The following SIDT2 variants were observed in gnomAD, a reference collection of about 807,000 sequenced individuals.
SIDT2 encodes SID1 transmembrane family, member 2.
SIDT2 carries 68 observed loss-of-function variants against 114.4 expected under a neutral mutation model. That is an observed-to-expected ratio of 0.59 (90% CI 0.49 to 0.73). SIDT2 has a LOEUF of 0.73. Among genes scored for constraint, SIDT2 ranks in the 30% least tolerant of loss-of-function variants. SIDT2 has a pLI of 0.00. For missense variants in SIDT2, 918 were observed against 1,097.1 expected, an observed-to-expected ratio of 0.84 and a Z score of 2.31; for synonymous variants, 470 against 438.4, an observed-to-expected ratio of 1.07 and a Z score of -0.90.
intron 11 of SIDT2, 38 bp from the exon 12 acceptor site, chr11:117,187,590 C>A (rs1006825992): frequency 2.5e-6 from 4 of 1,609,842 alleles, no homozygotes; most frequent in East Asian, 2.2e-5. Flanking sequence ...TTCCCTGCGG[C>A]CTCTCCTTCC....
Position 117,191,882 on chromosome 11 carries a change from A to G in SIDT2, c.1740A>G (p.Thr580=), listed in dbSNP as rs142078452. Residue 580 remains threonine (T), a synonymous_variant, in exon 19 of 26, where the codon ACA becomes ACG. Transcript: ENST00000324225. ...CTTCCGTGTCCCTCATCCTAGACAC[A>G]TCGTTCATGTACATGATCGCCGGAC... ...CPNYTNFQFD[T]SFMYMIAGLC... 12 of 1,614,116 alleles carry G rather than the reference A, an allele frequency of 7.4e-6. No homozygotes were observed. The highest frequency in any genetic ancestry group is 9.3e-6 in the Non-Finnish European group (11 of 1,180,018).
chr11:117,185,324 AG>A (rs2134251523), intron 8 of SIDT2, among the ~76,000 whole-genome samples: 1 of 152,262 alleles, frequency 6.6e-6, no homozygotes, highest in South Asian at 2.1e-4. Context: ...CTGAGATTAC[AG>A]GCGTGAGCCA....
intron 2 of SIDT2, 83 bp downstream of exon 2, chr11:117,181,620 C>A: frequency 6.2e-7 from 1 of 1,600,214 alleles, no homozygotes; most frequent in Admixed American, 1.7e-5. Flanking sequence ...CCCCCCATTT[C>A]TCCTCCCCTT....
intron 1 of SIDT2, among the ~76,000 whole-genome samples, chr11:117,180,882 A>G (rs1480117635): frequency 2.0e-5 from 3 of 152,186 alleles, no homozygotes; most frequent in African/African-American, 7.2e-5. Flanking sequence ...TGACTTCTCC[A>G]CAGCCCTGTC....
At chr11:117,193,393 C>T in intron 23 of SIDT2, 135 bp downstream of exon 23, 1 of 798,944 alleles carries the variant, frequency 1.3e-6, no homozygotes, top group South Asian at 1.7e-5. Flanking sequence ...AGGCTAAAGC[C>T]TCTTGCATGG....
intron 1 of SIDT2, among the ~76,000 whole-genome samples, chr11:117,180,816 C>T (rs527547501): frequency 6.6e-6 from 1 of 152,108 alleles, no homozygotes; most frequent in African/African-American, 2.4e-5. Context: ...AAGCGTGAGT[C>T]ACCGCACCCG....
intron 10 of SIDT2, chr11:117,186,900 G>A: frequency 6.8e-7 from 1 of 1,459,954 alleles, no homozygotes; most frequent in East Asian, 2.5e-5. Flanking sequence ...GTGGCCCACG[G>A]TCTCTGGGAT....
intron 8 of SIDT2, 125 bp downstream of exon 8, chr11:117,184,264 G>A (rs746430791): frequency 2.5e-4 from 234 of 919,698 alleles, no homozygotes; most frequent in Non-Finnish European, 3.5e-4. Flanking sequence ...GGGTAGGAAC[G>A]GGGAGTGTTC....
rs1207740705 is a variant in SIDT2 at position 117,179,193 on chromosome 11, C to G, written c.-71C>G. The G allele has an allele frequency of 7.4e-6, 11 of 1,482,194 alleles. No homozygotes were observed. The Admixed American group carries it at 1.4e-4, about 19-fold the overall frequency. 91.8% of individuals were successfully genotyped at this position (1,482,194 alleles called of 1,614,324 possible). ...AGCTGCGGCCGCAGCCGCAACCCGT[C>G]CCGGAGGTGTCCTGTCTCCTGTCGC... On this transcript the variant is annotated 5_prime_UTR_variant, in exon 1 of 26. Coordinates refer to ENST00000324225, the MANE Select transcript of SIDT2 (RefSeq NM_001040455.2).
At chr11:117,180,902 G>A (rs2030259855) in intron 1 of SIDT2, among the ~76,000 whole-genome samples, 1 of 152,162 alleles carries the variant, frequency 6.6e-6, no homozygotes, top group Non-Finnish European at 1.5e-5. Context: ...CCCTTGGTGG[G>A]AGCTAAGGAT....
chr11:117,183,267 C>G (rs1173978618), intron 6 of SIDT2, among the ~76,000 whole-genome samples: 1 of 151,780 alleles, frequency 6.6e-6, no homozygotes, highest in African/African-American at 2.4e-5. Context: ...ATCACTTGAA[C>G]CTGGGAGACA....
chr11:117,190,350 C>A lies in SIDT2; in HGVS notation c.1617+61C>A. 1 of 1,517,696 alleles carries A rather than the reference C, an allele frequency of 6.6e-7. No homozygotes were observed. Among genetic ancestry groups the A allele is most frequent in the South Asian group, 1.3e-5 (1 of 75,080 alleles). The allele number at this position is 1,517,696 out of a possible 1,614,324, so 94.0% of individuals were successfully genotyped here. A position where few individuals can be genotyped will look rare whatever the true frequency, so the allele number is the denominator to read the frequency against. The stretch of plus-strand genomic sequence containing the variant: ...CTCCAGCACAGACCTCAAGCCTTGG[C>A]TCCAGGACACCCTTTTGGGCAGGCC... On this transcript the variant is annotated intron_variant, in intron 17 of 25. Coordinates refer to ENST00000324225, the MANE Select transcript of SIDT2 (RefSeq NM_001040455.2). The surrounding 1 kb of genome is among the most constrained non-coding windows in gnomAD (Gnocchi z 4.1).
chr11:117,189,381 C>T lies in SIDT2; in HGVS notation c.1399C>T (p.Leu467=). Residue 467 remains leucine, a synonymous_variant, in exon 15 of 26, where the codon CTG becomes TTG. Transcript: ENST00000324225. ...AVFYALPVVQ[L]VITYQTVVNV... ...CTTCTATGCCCTTCCTGTGGTGCAG[C>T]TGGTGATCACCTACCAGACGGTGAG... 1 of 1,614,126 alleles carries T rather than the reference C, an allele frequency of 6.2e-7. No individual in the cohort carries two copies. Among genetic ancestry groups the T allele is most frequent in the Non-Finnish European group, 8.5e-7 (1 of 1,179,992 alleles).
chr11:117,189,615 A>G (rs141237549), intron 15 of SIDT2: 54 of 612,978 alleles, frequency 8.8e-5, no homozygotes, highest in African/African-American at 8.3e-4. Context: ...GCCCGCACTA[A>G]AGATAGCCCC....
At position 117,190,292 on chromosome 11, in the gene SIDT2, A is replaced by G. The variant is rs2134256988; in HGVS notation, c.1617+3A>G. 3 of 1,529,804 alleles carry G rather than the reference A, an allele frequency of 2.0e-6. No homozygotes were observed. Among genetic ancestry groups the G allele is most frequent in the Non-Finnish European group, 1.8e-6 (2 of 1,140,276 alleles). The allele number at this position is 1,529,804 out of a possible 1,614,324, so 94.8% of individuals were successfully genotyped here. A position where few individuals can be genotyped will look rare whatever the true frequency, so the allele number is the denominator to read the frequency against. On this transcript the variant is annotated splice_donor_region_variant and intron_variant, in intron 17 of 25. Coordinates refer to ENST00000324225, the MANE Select transcript of SIDT2 (RefSeq NM_001040455.2). This position sits in a 1 kb window ranked among gnomAD's most constrained non-coding sequence, Gnocchi z 4.1. ...TGCGCAATGACCTCTGTGCCCTGGT[A>G]AGGGAGCACCTGCCTGCCTGCCGCA...
chr11:117,182,632 G>A lies in SIDT2; in HGVS notation c.618+12G>A, dbSNP rs1415016565. ...TTCAGGATGTGCTGGTGAGTTGCCT[G>A]CCCTTTTGCTCTTCCCCAGCAGGCA... On this transcript the variant is annotated intron_variant, in intron 5 of 25. Transcript: ENST00000324225. 2 of 1,614,224 alleles carry A rather than the reference G, an allele frequency of 1.2e-6. No homozygotes were observed. Among genetic ancestry groups the A allele is most frequent in the Non-Finnish European group, 1.7e-6 (2 of 1,180,022 alleles).
intron 3 of SIDT2, 40 bp from the exon 4 acceptor site, chr11:117,182,020 C>A (rs761097047): frequency 1.2e-6 from 2 of 1,614,032 alleles, no homozygotes; most frequent in East Asian, 4.5e-5. Flanking sequence ...CTTCCCCAGG[C>A]TCCGGGGGTG....
chr11:117,189,675 A>G (rs2030630361), intron 15 of SIDT2: 1 of 598,918 alleles, frequency 1.7e-6, no homozygotes, highest in Non-Finnish European at 3.0e-6. Flanking sequence ...GGGCTTTGTA[A>G]GCATCAGTTT....
At chr11:117,180,572 G>T (rs897809519) in intron 1 of SIDT2, among the ~76,000 whole-genome samples, 13 of 108,308 alleles carry the variant, frequency 1.2e-4, no homozygotes, top group Admixed American at 1.4e-4. Context: ...GTCTCACTCT[G>T]TTGCCCAGGC....
Sources: gnomAD v4.1 joint callset for allele counts (sites outside exome capture counted in the v4.1 genomes callset) on GRCh38, gnomAD v4.1.1 for gene constraint, Gnocchi (gnomAD v3.1) non-coding constraint, MANE v1.5 for transcripts, NCBI Gene and HGNC (gene_info 2026-07-23, HGNC 2026-07-21) for gene names.